The following BRIP1 variants were observed in gnomAD, a reference collection of about 807,000 sequenced individuals.
The protein encoded by BRIP1 is BRCA1 interacting DNA helicase 1, also known as Fanconi anemia group J protein.
A neutral mutation model predicts 119.7 loss-of-function variants in BRIP1; 88 were observed. That is an observed-to-expected ratio of 0.74 (90% CI 0.62 to 0.88). The LOEUF is 0.88. Among genes scored for constraint, BRIP1 ranks in the 40% least tolerant of loss-of-function variants. The pLI is 0.00. For missense variants in BRIP1, 1,259 were observed against 1,455.4 expected (o/e 0.87, Z 2.20); for synonymous variants, 443 against 496.5 (o/e 0.89, Z 1.43).
chr17:61,679,991 G>A lies in BRIP1; in HGVS notation c.*3305C>T, dbSNP rs1196204099. ...CTAAAGGGTTGTGACACATCTCTAT[G>A]TACATTCTCAGTAATGAAAATTTTT... is the stretch of plus-strand genomic sequence containing the variant. On this transcript the variant is annotated 3_prime_UTR_variant, in exon 20 of 20. Transcript: ENST00000259008. This position sits in a 1 kb window ranked among gnomAD's most constrained non-coding sequence, Gnocchi z 4.4. Among the ~76,000 whole-genome samples, 1 of 152,014 alleles carries A rather than the reference G, an allele frequency of 6.6e-6. No homozygotes were observed. The highest frequency in any genetic ancestry group is 1.5e-5 in the Non-Finnish European group (1 of 68,008).
intron 6 of BRIP1, among the ~76,000 whole-genome samples, chr17:61,811,745 A>G (rs896591426): frequency 7.9e-5 from 12 of 151,594 alleles, no homozygotes; most frequent in African/African-American, 2.7e-4. Context: ...TTGGGTCAGG[A>G]GTTCAAGACT....
rs777920909 is a variant in BRIP1, at chr17:61,690,786, G to T, written c.2575+2644C>A. 1.3e-5 allele frequency among the ~76,000 whole-genome samples: 2 copies of T among 151,802 alleles called. No homozygotes were observed. The highest frequency in any genetic ancestry group is 2.4e-5 in the African/African-American group (1 of 41,292). ...TGCAGATGACATGATCTTTTATGTG[G>T]AAAACCCTAAAGATTGAAAAAAAAC... On this transcript the variant is annotated intron_variant, in intron 18 of 19. Transcript: ENST00000259008. This position sits in a 1 kb window ranked among gnomAD's most constrained non-coding sequence, Gnocchi z 5.6.
intron 6 of BRIP1, among the ~76,000 whole-genome samples, chr17:61,829,331 T>C (rs1335493154): frequency 6.6e-6 from 1 of 152,028 alleles, no homozygotes; most frequent in Non-Finnish European, 1.5e-5. Context: ...ACAAAGACAT[T>C]TCATAATGAC....
At chr17:61,763,534 G>T (rs1222437211) in intron 14 of BRIP1, among the ~76,000 whole-genome samples, 1 of 152,028 alleles carries the variant, frequency 6.6e-6, no homozygotes, top group African/African-American at 2.4e-5. Context: ...AGGCAAGCAA[G>T]GTGAATCTTA....
rs375282897 is a variant in BRIP1 at position 61,844,050 on chromosome 17, A to C, written c.627+3051T>G. Among the ~76,000 whole-genome samples, 1 of 151,868 alleles carries C rather than the reference A, an allele frequency of 6.6e-6. No individual in the cohort carries two copies. The highest frequency in any genetic ancestry group is 1.5e-5 in the Non-Finnish European group (1 of 67,968). ...GGGATCCCCCTCCCTCAGCCTCCTG[A>C]GTAGCTAGGACTACAAGTACACACC... On this transcript the variant is annotated intron_variant, in intron 6 of 19. Transcript: ENST00000259008. This position sits in a 1 kb window ranked among gnomAD's most constrained non-coding sequence, Gnocchi z 4.7.
At position 61,831,597 on chromosome 17, in the gene BRIP1, A is replaced by G. The variant is rs2078493522; in HGVS notation, c.627+15504T>C. Among the ~76,000 whole-genome samples the G allele has an allele frequency of 6.6e-6, 1 of 152,180 alleles. No homozygotes were observed. Among genetic ancestry groups the G allele is most frequent in the African/African-American group, 2.4e-5 (1 of 41,452 alleles). ...CCTTTTAAAGGCTCAATAATATTCC[A>G]TTGTATGTATACACCACATTTTGTT... On this transcript the variant is annotated intron_variant, in intron 6 of 19. Transcript: ENST00000259008. This position sits in a 1 kb window ranked among gnomAD's most constrained non-coding sequence, Gnocchi z 4.1.
chr17:61,680,197 A>AG lies in BRIP1; in HGVS notation c.*3098_*3099insC, dbSNP rs2144046752. Among the ~76,000 whole-genome samples the AG allele has an allele frequency of 6.6e-6, 1 of 151,534 alleles. No homozygotes were observed. The highest frequency in any genetic ancestry group is 2.0e-4 in the East Asian group (1 of 5,120). On this transcript the variant is annotated 3_prime_UTR_variant, in exon 20 of 20. Coordinates refer to ENST00000259008, the MANE Select transcript of BRIP1 (RefSeq NM_032043.3). ...GTCGATACTTAAAAAAAAAAAAAAA[A>AG]AAAAATTAGCTGGGTGCAGTGGTGT...
In BRIP1 at chr17:61,827,125, TTAGA is replaced by T. The variant is rs1300539344; in HGVS notation, c.628-18372_628-18369del. On this transcript the variant is annotated intron_variant, in intron 6 of 19. Transcript: ENST00000259008. The surrounding 1 kb of genome is among the most constrained non-coding windows in gnomAD (Gnocchi z 5.8). ...ATGAGACTGTGTCCTTTACAGAAAC[TTAGA>T]TAGAGCTGGAGACCATTATCCTTAG... Among the ~76,000 whole-genome samples the T allele has an allele frequency of 6.6e-6, 1 of 152,072 alleles. No homozygotes were observed. The highest frequency in any genetic ancestry group is 2.4e-5 in the African/African-American group (1 of 41,408).
At chr17:61,801,118 G>A in intron 8 of BRIP1, 135 bp downstream of exon 8, 3 of 767,882 alleles carry the variant, frequency 3.9e-6, no homozygotes, top group Non-Finnish European at 6.4e-6. Context: ...TATGTTTTCA[G>A]TACTCTAATA....
chr17:61,856,977 TTA>T lies in BRIP1; in HGVS notation c.379+79_379+80del, dbSNP rs2145823977. 2.9e-6 allele frequency: 4 copies of T among 1,389,938 alleles called. No homozygotes were observed. In the South Asian group the frequency reaches 4.6e-5, roughly 16 times the overall value. The allele number at this position is 1,389,938 out of a possible 1,614,324, so 86.1% of individuals were successfully genotyped here. Reference sequence around the variant, plus strand: ...ATATAATCAGTTATGCTAACCAAACTTATATAAATTAGGGCTTATAACAGTAA... The same window carrying T: ...ATATAATCAGTTATGCTAACCAAACTTATAAATTAGGGCTTATAACAGTAA... On this transcript the variant is annotated intron_variant, in intron 4 of 19. Transcript: ENST00000259008. This position sits in a 1 kb window ranked among gnomAD's most constrained non-coding sequence, Gnocchi z 5.1.
intron 6 of BRIP1, among the ~76,000 whole-genome samples, chr17:61,812,044 C>A (rs2078170547): frequency 6.6e-6 from 1 of 152,054 alleles, no homozygotes; most frequent in African/African-American, 2.4e-5. Context: ...CAAAAAGTCA[C>A]TTATAACAAA....
chr17:61,849,023 T>G (rs1603362475), intron 5 of BRIP1, 106 bp downstream of exon 5: 22 of 1,230,240 alleles, frequency 1.8e-5, no homozygotes, highest in Non-Finnish European at 4.7e-6. Flanking sequence ...TTTATGGCTG[T>G]CACATGACCC....
At chr17:61,829,348 G>A (rs1271546779) in intron 6 of BRIP1, among the ~76,000 whole-genome samples, 2 of 151,990 alleles carry the variant, frequency 1.3e-5, no homozygotes, top group East Asian at 1.9e-4. Flanking sequence ...TGACAGATGG[G>A]TTAATACATC....
chr17:61,711,008 TG>T (rs1478713492), intron 17 of BRIP1, among the ~76,000 whole-genome samples: 19 of 135,836 alleles, frequency 1.4e-4, no homozygotes, highest in Admixed American at 1.1e-3. Flanking sequence ...ACCACTGCAC[TG>T]GGCGACAGAG....
Position 61,846,993 on chromosome 17 carries a change from G to T in BRIP1, c.627+108C>A. On this transcript the variant is annotated intron_variant, in intron 6 of 19. Transcript: ENST00000259008. This position sits in a 1 kb window ranked among gnomAD's most constrained non-coding sequence, Gnocchi z 4.3. ...GACAGCATTGAGGACTTCTGAGTGG[G>T]TTGCTACTGTCCTTTGTATTATACT... 7.3e-7 allele frequency: 1 copy of T among 1,377,500 alleles called. No individual in the cohort carries two copies. The highest frequency in any genetic ancestry group is 1.0e-6 in the Non-Finnish European group (1 of 984,490). The allele number at this position is 1,377,500 out of a possible 1,614,324, so 85.3% of individuals were successfully genotyped here. A position where few individuals can be genotyped will look rare whatever the true frequency, so the allele number is the denominator to read the frequency against.
chr17:61,696,751 C>G (rs1308925000), intron 17 of BRIP1, among the ~76,000 whole-genome samples: 1 of 150,562 alleles, frequency 6.6e-6, no homozygotes, highest in Non-Finnish European at 1.5e-5. Flanking sequence ...TTTGGGAGGC[C>G]AAGGTGGGCA....
At chr17:61,819,386 C>A (rs6504073) in intron 6 of BRIP1, among the ~76,000 whole-genome samples, 16,895 of 152,026 alleles carry the variant, frequency 0.11, 1,144 homozygotes, top group South Asian at 0.24. Flanking sequence ...AGGTGTATAT[C>A]CAAAAGAAAG....
rs1371584400 is a variant in BRIP1, at chr17:61,856,479, G to A, written c.379+579C>T. Among the ~76,000 whole-genome samples, 2 of 152,140 alleles carry A rather than the reference G, an allele frequency of 1.3e-5. No homozygotes were observed. The highest frequency in any genetic ancestry group is 2.9e-5 in the Non-Finnish European group (2 of 68,026). On this transcript the variant is annotated intron_variant, in intron 4 of 19. Coordinates refer to ENST00000259008, the MANE Select transcript of BRIP1 (RefSeq NM_032043.3). This position sits in a 1 kb window ranked among gnomAD's most constrained non-coding sequence, Gnocchi z 5.1. ...AAATAAGAAAGAGCAAAGTGTCCAG[G>A]ATGTTCCCTAGGTTTCTTAGGTAAA...
Position 61,849,076 on chromosome 17 carries a change from C to T in BRIP1, c.507+53G>A, listed in dbSNP as rs1322983448. 56 of 1,591,130 alleles carry T rather than the reference C, an allele frequency of 3.5e-5. 1 individual carries two copies. The highest frequency in any genetic ancestry group is 1.7e-4 in the Middle Eastern group (1 of 6,046). ...GCATTAAAAACATGATACTTGACTA[C>T]CATGTTCAGCTGTAACTAACTGGGT... is the stretch of plus-strand genomic sequence containing the variant. On this transcript the variant is annotated intron_variant, in intron 5 of 19. Coordinates refer to ENST00000259008, the MANE Select transcript of BRIP1 (RefSeq NM_032043.3).
Sources: gnomAD v4.1 joint callset for allele counts (sites outside exome capture counted in the v4.1 genomes callset) on GRCh38, gnomAD v4.1.1 for gene constraint, Gnocchi (gnomAD v3.1) non-coding constraint, MANE v1.5 for transcripts, NCBI Gene and HGNC (gene_info 2026-07-23, HGNC 2026-07-21) for gene names.